Variants in THADA observed in about 807,000 individuals in gnomAD.
THADA encodes THADA armadillo repeat containing, also known as tRNA (32-2'-O)-methyltransferase regulator THADA.
In THADA, 213 loss-of-function variants were observed where a neutral mutation model predicts 219.8. The observed-to-expected ratio is 0.97, with a 90% CI of 0.87 to 1.09. The LOEUF is 1.09. Ranked by LOEUF, THADA falls within the 50% of genes least tolerant of loss-of-function variation. The pLI is 0.00. For synonymous variants in THADA, 1,018 were observed against 828.9 expected, an observed-to-expected ratio of 1.23 and a Z score of -3.92; for missense variants, 2,956 against 2,311.3, an observed-to-expected ratio of 1.28 and a Z score of -5.72.
At chr2:43,392,999 A>G (rs188230560) in intron 29 of THADA, among the ~76,000 whole-genome samples, 10 of 152,328 alleles carry the variant, frequency 6.6e-5, no homozygotes, top group African/African-American at 1.9e-4. Context: ...CCCAAGTTTG[A>G]GAGGTTTTGT....
At chr2:43,593,871 G>A (rs1333358968) in intron 1 of THADA, among the ~76,000 whole-genome samples, 1 of 152,016 alleles carries the variant, frequency 6.6e-6, no homozygotes, top group Non-Finnish European at 1.5e-5. Flanking sequence ...CTGACCTCGT[G>A]ATCCACCCAC....
chr2:43,265,930 AAC>A (rs56173099), intron 36 of THADA, among the ~76,000 whole-genome samples: 1,984 of 124,638 alleles, frequency 0.016, 17 homozygotes, highest in Non-Finnish European at 0.021. Flanking sequence ...TTACTTTTGA[AAC>A]ACACACACAC....
At chr2:43,506,504 T>C (rs941997863) in intron 23 of THADA, among the ~76,000 whole-genome samples, 4 of 152,182 alleles carry the variant, frequency 2.6e-5, no homozygotes, top group African/African-American at 9.7e-5. Flanking sequence ...ATTCCATATA[T>C]ATGAAATGTC....
intron 22 of THADA, among the ~76,000 whole-genome samples, chr2:43,511,129 A>G (rs1035601088): frequency 6.6e-6 from 1 of 152,124 alleles, no homozygotes. Flanking sequence ...TTTTCTTCCT[A>G]GAACCATGGG....
intron 29 of THADA, among the ~76,000 whole-genome samples, chr2:43,386,681 G>T (rs891380777): frequency 6.6e-6 from 1 of 152,212 alleles, no homozygotes; most frequent in Non-Finnish European, 1.5e-5. Context: ...ATTACCTGAG[G>T]TTGGGGGTTC....
chr2:43,268,714 C>T (rs1156331769), intron 36 of THADA, among the ~76,000 whole-genome samples: 2 of 152,190 alleles, frequency 1.3e-5, no homozygotes, highest in African/African-American at 4.8e-5. Context: ...TCCTGGGCCC[C>T]ACCCCTGCCC....
intron 21 of THADA, among the ~76,000 whole-genome samples, chr2:43,536,541 G>T (rs1414662480): frequency 6.6e-6 from 1 of 152,004 alleles, no homozygotes; most frequent in East Asian, 1.9e-4. Context: ...AGCATATCCT[G>T]CTCTTAACTT....
At chr2:43,297,987 C>T (rs1246088523) in intron 31 of THADA, among the ~76,000 whole-genome samples, 2 of 1,302 alleles carry the variant, frequency 1.5e-3, no homozygotes, top group Non-Finnish European at 6.0e-3. Context: ...CCGCCCCGTC[C>T]GGGAGGGAGT....
At chr2:43,348,669 A>T (rs1427924303) in intron 29 of THADA, among the ~76,000 whole-genome samples, 2 of 152,098 alleles carry the variant, frequency 1.3e-5, no homozygotes, top group African/African-American at 4.8e-5. Flanking sequence ...TGCTTTAGAC[A>T]TGGAGTTAAG....
intron 31 of THADA, among the ~76,000 whole-genome samples, chr2:43,308,630 A>G (rs1573005496): frequency 2.0e-5 from 3 of 152,172 alleles, no homozygotes; most frequent in Non-Finnish European, 4.4e-5. Context: ...TAAGCCCAGG[A>G]GTTTCAGGCT....
Position 43,241,649 on chromosome 2 carries a change from T to C in THADA, c.5297-8767A>G, listed in dbSNP as rs1444107661. 2.0e-5 allele frequency among the ~76,000 whole-genome samples: 3 copies of C among 151,688 alleles called. No individual in the cohort carries two copies. The East Asian group carries it at 5.9e-4, about 30-fold the overall frequency. On this transcript the variant is annotated intron_variant, in intron 36 of 37. Coordinates refer to ENST00000405975, the MANE Select transcript of THADA (RefSeq NM_022065.5). Reference sequence around the variant, plus strand: ...CAAATTTCTAGCATCTTTTGAAAATTAGGAAAATCAGACTGTGGTGTCTCT... The same window carrying C: ...CAAATTTCTAGCATCTTTTGAAAATCAGGAAAATCAGACTGTGGTGTCTCT...
At chr2:43,576,856 T>C (rs571097812) in intron 10 of THADA, among the ~76,000 whole-genome samples, 166 bp downstream of exon 10, 19 of 152,298 alleles carry the variant, frequency 1.2e-4, no homozygotes, top group African/African-American at 4.6e-4. Context: ...AGTCTCACTA[T>C]GTCACCAAGG....
intron 25 of THADA, among the ~76,000 whole-genome samples, chr2:43,486,094 A>G (rs1392148308): frequency 6.6e-6 from 1 of 152,110 alleles, no homozygotes; most frequent in African/African-American, 2.4e-5. Context: ...TAAAAAAACA[A>G]AAAGAAAATC....
chr2:43,583,673 G>A (rs777644245), intron 7 of THADA, among the ~76,000 whole-genome samples: 2 of 152,094 alleles, frequency 1.3e-5, no homozygotes, highest in Non-Finnish European at 2.9e-5. Flanking sequence ...ATTGTCCATC[G>A]ACAGATTGAT....
At chr2:43,479,228 A>G (rs560285205) in intron 26 of THADA, among the ~76,000 whole-genome samples, 48 of 152,346 alleles carry the variant, frequency 3.2e-4, no homozygotes, top group African/African-American at 1.1e-3. Context: ...TGTTGCTAAC[A>G]GAAACTTCAT....
intron 36 of THADA, among the ~76,000 whole-genome samples, chr2:43,268,228 C>T (rs146872462): frequency 6.6e-6 from 1 of 152,328 alleles, no homozygotes; most frequent in African/African-American, 2.4e-5. Flanking sequence ...TTTAGCTCAT[C>T]ATGATGCATC....
chr2:43,410,813 T>C (rs1017943825), intron 28 of THADA, among the ~76,000 whole-genome samples: 1 of 152,206 alleles, frequency 6.6e-6, no homozygotes, highest in Non-Finnish European at 1.5e-5. Context: ...TATGGGTATA[T>C]AAAAATATCA....
At chr2:43,330,713 G>C (rs983018385) in intron 30 of THADA, among the ~76,000 whole-genome samples, 2 of 152,228 alleles carry the variant, frequency 1.3e-5, no homozygotes, top group African/African-American at 4.8e-5. Flanking sequence ...GAATAGTTAA[G>C]TTTTGATGGC....
At chr2:43,317,528 G>A (rs1261067868) in intron 31 of THADA, among the ~76,000 whole-genome samples, 1 of 152,146 alleles carries the variant, frequency 6.6e-6, no homozygotes, top group Non-Finnish European at 1.5e-5. Context: ...ACCTTATTTG[G>A]TGATATATTT....
Sources: gnomAD v4.1 joint callset for allele counts (sites outside exome capture counted in the v4.1 genomes callset) on GRCh38, gnomAD v4.1.1 for gene constraint, MANE v1.5 for transcripts, NCBI Gene and HGNC (gene_info 2026-07-23, HGNC 2026-07-21) for gene names.